METTL24: variants seen among roughly 807,000 people sequenced by gnomAD.
METTL24 encodes the protein methyltransferase like 24.
In METTL24, 29 loss-of-function variants were observed where a neutral mutation model predicts 32.7. That is an observed-to-expected ratio of 0.89 (90% CI 0.66 to 1.21). METTL24 has a LOEUF of 1.21. METTL24 is among the 50% of genes most tolerant of loss of function. The pLI is 0.00. For synonymous variants in METTL24, 163 were observed against 179.5 expected, an observed-to-expected ratio of 0.91 and a Z score of 0.73; for missense variants, 439 against 468.1, an observed-to-expected ratio of 0.94 and a Z score of 0.57.
intron 3 of METTL24, 65 bp from the exon 4 acceptor site, chr6:110,299,215 A>T: frequency 6.9e-7 from 1 of 1,444,110 alleles, no homozygotes; most frequent in Non-Finnish European, 9.6e-7. Context: ...TGGACTAACA[A>T]GATGACAGTT....
intron 4 of METTL24, among the ~76,000 whole-genome samples, chr6:110,285,099 T>C (rs573765682): frequency 6.6e-6 from 1 of 152,372 alleles, no homozygotes; most frequent in African/African-American, 2.4e-5. Context: ...GTTAGCAGGC[T>C]TGTCACATGG....
intron 4 of METTL24, among the ~76,000 whole-genome samples, chr6:110,249,434 G>GGGGCGTGCCCCCT (rs1554210576): frequency 1.3e-5 from 2 of 151,656 alleles, no homozygotes; most frequent in East Asian, 3.9e-4. Flanking sequence ...ATGCAGCCCA[G>GGGGCGTGCCCCCT]GGGGAGCACA....
At chr6:110,348,954 G>A (rs72935990) in intron 1 of METTL24, among the ~76,000 whole-genome samples, 1 of 152,106 alleles carries the variant, frequency 6.6e-6, no homozygotes, top group Non-Finnish European at 1.5e-5. Context: ...GATGTAAATG[G>A]GGTCTTGTTT....
In METTL24 at chr6:110,244,119, C is replaced by T. The variant is rs893732190; in HGVS notation, c.*1827G>A. ...GTCTAACTATCCTACGAAAGTGAGA[C>T]GATGGTCTTCAGGCCACAATCATGT... is the stretch of plus-strand genomic sequence containing the variant. On this transcript the variant is annotated 3_prime_UTR_variant, in exon 5 of 5. Transcript: ENST00000338882. Among the ~76,000 whole-genome samples the T allele has an allele frequency of 6.6e-5, 10 of 152,062 alleles. No individual in the cohort carries two copies. Among genetic ancestry groups the T allele is most frequent in the Non-Finnish European group, 1.3e-4 (9 of 68,022 alleles).
At chr6:110,296,915 T>C (rs1771430134) in intron 4 of METTL24, among the ~76,000 whole-genome samples, 1 of 152,214 alleles carries the variant, frequency 6.6e-6, no homozygotes, top group African/African-American at 2.4e-5. Context: ...TTTCCATTTA[T>C]CTAGCCCCGC....
At chr6:110,251,972 C>T (rs886435400) in intron 4 of METTL24, among the ~76,000 whole-genome samples, 1 of 151,938 alleles carries the variant, frequency 6.6e-6, no homozygotes, top group Non-Finnish European at 1.5e-5. Flanking sequence ...GGCGAAATCC[C>T]TTCTCTACTG....
intron 4 of METTL24, among the ~76,000 whole-genome samples, chr6:110,252,932 A>G (rs760890332): frequency 6.6e-6 from 1 of 152,172 alleles, no homozygotes; most frequent in African/African-American, 2.4e-5. Flanking sequence ...TTTGAACAAG[A>G]GACCCCTCAT....
In METTL24 at chr6:110,264,481, A is replaced by G. The variant is rs372773799; in HGVS notation, c.787-18221T>C. 2.6e-3 allele frequency among the ~76,000 whole-genome samples: 394 copies of G among 152,224 alleles called. 1 individual carries two copies. Among genetic ancestry groups the G allele is most frequent in the Admixed American group, 4.5e-3 (69 of 15,282 alleles). On this transcript the variant is annotated intron_variant, in intron 4 of 4. Transcript: ENST00000338882. ...AAAAAGTCAGGAAACAACAGGTGCT[A>G]GAGAGGATGTGGAGAAATAGGAACA...
intron 2 of METTL24, among the ~76,000 whole-genome samples, chr6:110,318,259 A>G (rs1771861723): frequency 6.6e-6 from 1 of 152,230 alleles, no homozygotes; most frequent in Admixed American, 6.5e-5. Context: ...CTTATTCTAC[A>G]GATTTCATCT....
At chr6:110,289,654 A>G (rs1044821911) in intron 4 of METTL24, among the ~76,000 whole-genome samples, 4 of 152,210 alleles carry the variant, frequency 2.6e-5, no homozygotes, top group African/African-American at 7.2e-5. Flanking sequence ...TCCAAAATAC[A>G]TCTAAAAAGA....
intron 4 of METTL24, chr6:110,254,096 C>A (rs1778336375): frequency 5.4e-6 from 3 of 553,908 alleles, no homozygotes; most frequent in Non-Finnish European, 8.4e-6. Flanking sequence ...ATAATTTATT[C>A]TTAACAGCTT....
intron 4 of METTL24, among the ~76,000 whole-genome samples, chr6:110,262,592 G>C (rs1770756874): frequency 6.6e-6 from 1 of 152,176 alleles, no homozygotes; most frequent in East Asian, 1.9e-4. Flanking sequence ...AACAGAAAAA[G>C]AGGGAATCCT....
chr6:110,297,855 C>T (rs986509529), intron 4 of METTL24, among the ~76,000 whole-genome samples: 14 of 152,022 alleles, frequency 9.2e-5, no homozygotes, highest in African/African-American at 1.2e-4. Context: ...TAGTTAATTG[C>T]GTGTTAAAAG....
rs34442447 is a variant in METTL24 at position 110,244,970 on chromosome 6, T to TTATCTATCTATC, written c.*964_*975dup. On this transcript the variant is annotated 3_prime_UTR_variant, in exon 5 of 5. Transcript: ENST00000338882. The stretch of plus-strand genomic sequence containing the variant: ...AAACATGCCAGTAGGAAAATCTATC[T>TTATCTATCTATC]TATCTATCTATCTATCTATCTATCT... Among the ~76,000 whole-genome samples the TTATCTATCTATC allele has an allele frequency of 0.12, 18,515 of 149,966 alleles. 1,571 individuals carry two copies. The highest frequency in any genetic ancestry group is 0.24 in the African/African-American group (9,586 of 40,346).
At position 110,245,624 on chromosome 6, in the gene METTL24, T is replaced by C; in HGVS notation, c.*322A>G. Among the ~76,000 whole-genome samples, 1 of 152,192 alleles carries C rather than the reference T, an allele frequency of 6.6e-6. No individual in the cohort carries two copies. The highest frequency in any genetic ancestry group is 3.2e-3 in the Middle Eastern group (1 of 316). On this transcript the variant is annotated 3_prime_UTR_variant, in exon 5 of 5. Transcript: ENST00000338882. ...TAGTAAAAATAGGAAATTTATATAA[T>C]TTCATTTCAATGTTGGTGAATTCAT...
At chr6:110,311,246 T>C (rs1342341005) in intron 3 of METTL24, among the ~76,000 whole-genome samples, 1 of 152,152 alleles carries the variant, frequency 6.6e-6, no homozygotes, top group Non-Finnish European at 1.5e-5. Context: ...GGCATACTTG[T>C]CTGGGTCCTG....
intron 4 of METTL24, among the ~76,000 whole-genome samples, chr6:110,277,280 G>A (rs958104375): frequency 2.6e-5 from 4 of 152,234 alleles, no homozygotes; most frequent in African/African-American, 9.6e-5. Context: ...AGCCATACAT[G>A]CTGAGATCAA....
At chr6:110,287,601 C>A (rs1216970013) in intron 4 of METTL24, among the ~76,000 whole-genome samples, 1 of 152,184 alleles carries the variant, frequency 6.6e-6, no homozygotes, top group Non-Finnish European at 1.5e-5. Context: ...AGGTTTCCTG[C>A]CCAAGCATTC....
At chr6:110,263,386 T>C (rs1770787715) in intron 4 of METTL24, among the ~76,000 whole-genome samples, 1 of 152,052 alleles carries the variant, frequency 6.6e-6, no homozygotes, top group African/African-American at 2.4e-5. Flanking sequence ...TCAAAGAGAA[T>C]AGAATACCTA....
Sources: allele counts gnomAD v4.1 joint callset (sites outside exome capture counted in the v4.1 genomes callset), GRCh38; gene constraint gnomAD v4.1.1; transcripts MANE v1.5; gene names NCBI Gene and HGNC (gene_info 2026-07-23, HGNC 2026-07-21).